TAB2: variants seen among roughly 807,000 people sequenced by gnomAD.
TAB2 encodes the protein TGF-beta activated kinase 1 (MAP3K7) binding protein 2, also known as TGF-beta-activated kinase 1 and MAP3K7-binding protein 2.
TAB2 carries 3 observed loss-of-function variants against 65.0 expected under a neutral mutation model. That is an observed-to-expected ratio of 0.05 (90% confidence interval 0.02 to 0.12). The LOEUF is 0.12. Among genes scored for constraint, TAB2 ranks in the 10% least tolerant of loss-of-function variants. The pLI, the probability that TAB2 is intolerant of heterozygous loss-of-function variation, is 1.00. For synonymous variants in TAB2, 298 were observed against 285.1 expected, an observed-to-expected ratio of 1.05 and a Z score of -0.46; for missense variants, 623 against 840.3, an observed-to-expected ratio of 0.74 and a Z score of 3.20.
intron 1 of TAB2, among the ~76,000 whole-genome samples, chr6:149,258,415 CTACA>C (rs1204305756): frequency 2.0e-4 from 17 of 84,276 alleles, no homozygotes; most frequent in Admixed American, 5.5e-4. Context: ...GCATGACTGC[CTACA>C]CACACACACA....
chr6:149,364,001 C>T (rs983911970), intron 1 of TAB2, among the ~76,000 whole-genome samples: 4 of 152,110 alleles, frequency 2.6e-5, no homozygotes, highest in African/African-American at 9.7e-5. Flanking sequence ...CGCTTTTGCC[C>T]CAATTTCTAA....
intron 6 of TAB2, among the ~76,000 whole-genome samples, chr6:149,406,507 G>T (rs764070908): frequency 2.0e-5 from 3 of 152,168 alleles, no homozygotes; most frequent in Non-Finnish European, 2.9e-5. Flanking sequence ...CTGGGTTTTA[G>T]ACAAGTGGCT....
chr6:149,387,144 C>T (rs1321196472), intron 3 of TAB2, among the ~76,000 whole-genome samples: 2 of 152,030 alleles, frequency 1.3e-5, no homozygotes, highest in East Asian at 1.9e-4. Context: ...ATTGCTCTTG[C>T]GTTTGGTGTC....
In TAB2 at chr6:149,379,482, C is replaced by T. The variant is rs756217294; in HGVS notation, c.1567C>T (p.Leu523=). 3.7e-5 allele frequency: 59 copies of T among 1,613,956 alleles called. No homozygotes were observed. The highest frequency in any genetic ancestry group is 4.2e-5 in the Non-Finnish European group (50 of 1,180,026). Residue 523 remains leucine (L), a synonymous_variant, in exon 3 of 7, where the codon CTG becomes TTG. Coordinates refer to ENST00000637181, the MANE Select transcript of TAB2 (RefSeq NM_001292034.3). ...HVDRISETRK[L]SMGSDDAAYT... ...GGATAGAATAAGTGAAACACGGAAA[C>T]TGAGTATGGGATCTGATGATGCTGC...
chr6:149,391,471 A>G (rs1005065664), intron 3 of TAB2, among the ~76,000 whole-genome samples: 4 of 151,504 alleles, frequency 2.6e-5, no homozygotes, highest in Admixed American at 2.0e-4. Context: ...GCTATTTAAT[A>G]TCCTGAACGA....
intron 1 of TAB2, among the ~76,000 whole-genome samples, chr6:149,341,924 T>C (rs570833507): frequency 6.6e-6 from 1 of 152,210 alleles, no homozygotes; most frequent in East Asian, 1.9e-4. Flanking sequence ...AGGACATCAT[T>C]TCCAGGTTTT....
chr6:149,334,971 CA>C (rs1779890870), intron 1 of TAB2, among the ~76,000 whole-genome samples: 1 of 152,158 alleles, frequency 6.6e-6, no homozygotes, highest in African/African-American at 2.4e-5. Flanking sequence ...AGGTTGCCAG[CA>C]TGGTATTGTC....
At chr6:149,312,788 G>A (rs73611029), upstream of TAB2, among the ~76,000 whole-genome samples, 1 of 152,168 alleles carries the variant, frequency 6.6e-6, no homozygotes, top group East Asian at 1.9e-4. Context: ...ACGATGTCTT[G>A]TACAACACAA....
At chr6:149,235,685 G>A (rs921267678) in intron 1 of TAB2, among the ~76,000 whole-genome samples, 1 of 152,198 alleles carries the variant, frequency 6.6e-6, no homozygotes, top group African/African-American at 2.4e-5. Context: ...ATCTTGCTTA[G>A]CACTGCCTCT....
At chr6:149,218,457 A>C (rs1777068448), upstream of TAB2, among the ~76,000 whole-genome samples, 1 of 152,246 alleles carries the variant, frequency 6.6e-6, no homozygotes, top group Non-Finnish European at 1.5e-5. Context: ...AACAAGCAAA[A>C]GAAGAGTGGC....
rs527956790 is a variant in TAB2 at position 149,351,799 on chromosome 6, T to G, written c.-89-18110T>G. ...TGTATCAAATACTGTTTTATATACC[T>G]TATATCATAATTGTCTCATCTAGTT... On this transcript the variant is annotated intron_variant, in intron 1 of 6. Coordinates refer to ENST00000637181, the MANE Select transcript of TAB2 (RefSeq NM_001292034.3). Among the ~76,000 whole-genome samples the G allele has an allele frequency of 1.2e-4, 19 of 152,322 alleles. No individual in the cohort carries two copies. In the East Asian group the frequency reaches 3.5e-3, roughly 28 times the overall value.
Position 149,378,575 on chromosome 6 carries a change from A to C in TAB2, c.660A>C (p.Thr220=), listed in dbSNP as rs1442724627. 3 of 1,613,906 alleles carry C rather than the reference A, an allele frequency of 1.9e-6. No homozygotes were observed. Among genetic ancestry groups the C allele is most frequent in the Non-Finnish European group, 2.5e-6 (3 of 1,180,032 alleles). ...GNSIYIRPYI[T]TPGGTTRQTQ... ...CTATCTATATTAGGCCTTACATTACAACTCCTGGTGGTACAACTCGACAGA... is the reference window on the plus strand; with the variant it reads ...CTATCTATATTAGGCCTTACATTACCACTCCTGGTGGTACAACTCGACAGA... Residue 220 remains threonine, a synonymous_variant, in exon 3 of 7, where the codon ACA becomes ACC. Coordinates refer to ENST00000637181, the MANE Select transcript of TAB2 (RefSeq NM_001292034.3).
At chr6:149,230,585 G>A (rs1177089627) in intron 1 of TAB2, among the ~76,000 whole-genome samples, 1 of 152,232 alleles carries the variant, frequency 6.6e-6, no homozygotes, top group East Asian at 1.9e-4. Context: ...AATGTATCAA[G>A]TTTTCTAGAC....
At chr6:149,279,115 C>T (rs1186270464) in intron 1 of TAB2, among the ~76,000 whole-genome samples, 4 of 152,132 alleles carry the variant, frequency 2.6e-5, no homozygotes, top group Non-Finnish European at 5.9e-5. Context: ...TGGCTCCTGC[C>T]CACATCACTC....
chr6:149,283,222 C>G (rs1227286762), intron 1 of TAB2, among the ~76,000 whole-genome samples: 2 of 152,100 alleles, frequency 1.3e-5, no homozygotes, highest in Non-Finnish European at 2.9e-5. Flanking sequence ...AAAGTAGAAG[C>G]CATGGATTTC....
rs1014972485 is a variant in TAB2, at chr6:149,359,837, A to G, written c.-89-10072A>G. On this transcript the variant is annotated intron_variant, in intron 1 of 6. Coordinates refer to ENST00000637181, the MANE Select transcript of TAB2 (RefSeq NM_001292034.3). The stretch of plus-strand genomic sequence containing the variant: ...ATTTTTTCATTATTTCTGGTTTTTC[A>G]TAACAGAAGAGGTTCTGAACTAGCT... Among the ~76,000 whole-genome samples, 24 of 152,354 alleles carry G rather than the reference A, an allele frequency of 1.6e-4. No individual in the cohort carries two copies. In the South Asian group the frequency reaches 2.7e-3, roughly 17 times the overall value.
At chr6:149,297,034 G>A (rs1213354612) in intron 1 of TAB2, among the ~76,000 whole-genome samples, 1 of 151,866 alleles carries the variant, frequency 6.6e-6, no homozygotes, top group Non-Finnish European at 1.5e-5. Flanking sequence ...AATTTCCACA[G>A]TTACTTTTTC....
At chr6:149,344,528 A>G (rs1237146882) in intron 1 of TAB2, among the ~76,000 whole-genome samples, 2 of 152,198 alleles carry the variant, frequency 1.3e-5, no homozygotes, top group African/African-American at 4.8e-5. Flanking sequence ...TATTATAGAA[A>G]TTGTGAGCAG....
intron 6 of TAB2, chr6:149,401,006 T>G (rs1306031886): frequency 4.0e-6 from 1 of 250,808 alleles, no homozygotes; most frequent in Non-Finnish European, 8.1e-6. Flanking sequence ...GGTCTTATCT[T>G]TATATTCTAG....
Sources: allele counts gnomAD v4.1 joint callset (sites outside exome capture counted in the v4.1 genomes callset), GRCh38; gene constraint gnomAD v4.1.1; transcripts MANE v1.5; gene names NCBI Gene and HGNC (gene_info 2026-07-23, HGNC 2026-07-21).